The following ITSN2 variants were observed in gnomAD, a reference collection of about 807,000 sequenced individuals.
ITSN2 encodes the protein intersectin 2.
A neutral mutation model predicts 243.7 loss-of-function variants in ITSN2; 156 were observed. The ratio of observed to expected loss-of-function variants is 0.64; its 90% CI spans 0.56 to 0.73. ITSN2 has a LOEUF of 0.73. ITSN2 is among the 30% of genes least tolerant of loss of function. The probability of loss-of-function intolerance (pLI) is 0.00; values close to 1 mark genes in which losing one functional copy is unlikely to be tolerated. For missense variants in ITSN2, 1,801 were observed against 1,996.1 expected (o/e 0.90, Z 1.86); for synonymous variants, 703 against 699.9 (o/e 1.00, Z -0.07).
intron 17 of ITSN2, among the ~76,000 whole-genome samples, chr2:24,283,765 G>A (rs1188066253): frequency 6.6e-6 from 1 of 152,156 alleles, no homozygotes. Flanking sequence ...GCTGGCCTGT[G>A]GAGAATCAAA....
chr2:24,257,056 C>T (rs1181197071), intron 23 of ITSN2, among the ~76,000 whole-genome samples: 1 of 152,174 alleles, frequency 6.6e-6, no homozygotes, highest in Non-Finnish European at 1.5e-5. Flanking sequence ...GTGGCTCACA[C>T]CTGTAATTCC....
rs769572706 is a variant in ITSN2 at position 24,258,028 on chromosome 2, G to T, written c.2748C>A (p.His916Gln). 1 of 1,614,080 alleles carries T rather than the reference G, an allele frequency of 6.2e-7. No homozygotes were observed. The highest frequency in any genetic ancestry group is 1.1e-5 in the South Asian group (1 of 91,082). ...LCSWTAKKDN[H>Q]LNFSKHDIIT... ...TAATGTCATGTTTTGAGAAGTTCAA[G>T]TGGTTATCTTTCTTTGCAGTCCAGG... is the stretch of plus-strand genomic sequence containing the variant. The change falls in exon 23 of 40, where the codon CAC (histidine) becomes CAA (glutamine). Residue 916 changes from histidine (H) to glutamine (Q), a missense_variant. His to Gln is a conservative substitution (Grantham distance 24). Around this residue, in one of 5 missense-constraint regions of ITSN2, gnomAD observed 928 missense variants for 1,065.4 expected, o/e 0.87. Coordinates refer to ENST00000355123, the MANE Select transcript of ITSN2 (RefSeq NM_006277.3).
intron 24 of ITSN2, among the ~76,000 whole-genome samples, chr2:24,253,724 G>A (rs1171829714): frequency 1.3e-5 from 2 of 152,288 alleles, no homozygotes; most frequent in Non-Finnish European, 1.5e-5. Flanking sequence ...CAACGTAACA[G>A]ATACTGAATA....
intron 1 of ITSN2, among the ~76,000 whole-genome samples, 151 bp downstream of exon 1, chr2:24,360,153 A>G (rs987493148): frequency 3.6e-4 from 55 of 152,124 alleles, no homozygotes; most frequent in African/African-American, 1.3e-3. Flanking sequence ...CCAGGGGCCT[A>G]GCTCGGGGGC....
intron 9 of ITSN2, 84 bp from the exon 10 acceptor site, chr2:24,302,186 TTTA>T (rs1463934391): frequency 1.9e-5 from 10 of 535,816 alleles, no homozygotes; most frequent in Non-Finnish European, 2.5e-5. Flanking sequence ...TTATTTTACT[TTTA>T]TTTATTTATT....
chr2:24,314,050 T>C (rs1276780363), intron 3 of ITSN2, among the ~76,000 whole-genome samples: 1 of 152,198 alleles, frequency 6.6e-6, no homozygotes, highest in African/African-American at 2.4e-5. Context: ...AAACTTGCTT[T>C]ACTGCTTGCT....
chr2:24,327,171 AAC>A (rs1185098620), intron 2 of ITSN2, among the ~76,000 whole-genome samples: 3 of 152,200 alleles, frequency 2.0e-5, no homozygotes, highest in African/African-American at 7.2e-5. Context: ...ATAAATGACA[AAC>A]ACAGTAACTT....
intron 1 of ITSN2, among the ~76,000 whole-genome samples, chr2:24,355,354 A>G (rs1688350705): frequency 6.6e-6 from 1 of 152,250 alleles, no homozygotes; most frequent in African/African-American, 2.4e-5. Context: ...CACAGTAACC[A>G]AAACAGCATG....
intron 11 of ITSN2, 98 bp downstream of exon 11, chr2:24,301,056 A>C: frequency 1.5e-6 from 1 of 659,326 alleles, no homozygotes; most frequent in Non-Finnish European, 2.5e-6. Flanking sequence ...TAGCACATCA[A>C]ATATTAAAAA....
intron 29 of ITSN2, among the ~76,000 whole-genome samples, chr2:24,233,239 AT>A (rs2151210908): frequency 6.6e-6 from 1 of 152,264 alleles, no homozygotes; most frequent in East Asian, 1.9e-4. Context: ...CATATAACTC[AT>A]GTTTTCCACT....
chr2:24,337,347 T>C (rs1301034692), intron 1 of ITSN2, among the ~76,000 whole-genome samples: 1 of 122,842 alleles, frequency 8.1e-6, no homozygotes, highest in African/African-American at 3.2e-5. Flanking sequence ...TATATATATA[T>C]ATATATGTAA....
At chr2:24,333,051 A>C (rs1685963416) in intron 1 of ITSN2, among the ~76,000 whole-genome samples, 1 of 152,240 alleles carries the variant, frequency 6.6e-6, no homozygotes. Flanking sequence ...CACAAGGCAG[A>C]TGATACTGTA....
At chr2:24,216,784 T>A (rs977997935) in intron 31 of ITSN2, among the ~76,000 whole-genome samples, 17 of 150,506 alleles carry the variant, frequency 1.1e-4, no homozygotes, top group Non-Finnish European at 1.5e-4. Context: ...AAAATAAATT[T>A]AAAAAATACA....
At chr2:24,325,234 C>T (rs1466820626) in intron 2 of ITSN2, among the ~76,000 whole-genome samples, 1 of 151,848 alleles carries the variant, frequency 6.6e-6, no homozygotes, top group East Asian at 1.9e-4. Context: ...GATAGTGAGA[C>T]CCCCATGTCT....
rs577391552 is a variant in ITSN2 at position 24,240,120 on chromosome 2, G to GA, written c.3577+6008dup. On this transcript the variant is annotated intron_variant, in intron 29 of 39. Coordinates refer to ENST00000355123, the MANE Select transcript of ITSN2 (RefSeq NM_006277.3). ...ATAAACTCAGTTTCAGAATTATAAA[G>GA]AAAAAACCTTAGACCAAATAATGTG... The GA allele has an allele frequency of 2.0e-5, 3 of 152,136 alleles. No homozygotes were observed. The South Asian group carries it at 6.2e-4, about 31-fold the overall frequency. 9.4% of individuals were successfully genotyped at this position (152,136 alleles called of 1,614,324 possible). A position where few individuals can be genotyped will look rare whatever the true frequency, so the allele number is the denominator to read the frequency against.
intron 2 of ITSN2, among the ~76,000 whole-genome samples, chr2:24,319,474 T>C (rs1684299652): frequency 6.6e-6 from 1 of 152,184 alleles, no homozygotes; most frequent in African/African-American, 2.4e-5. Context: ...CAAGAGTCTA[T>C]CAGGAACATC....
Position 24,315,184 on chromosome 2 carries a change from A to G in ITSN2, c.72T>C (p.Thr24=). The G allele has an allele frequency of 1.2e-6, 2 of 1,612,870 alleles. No homozygotes were observed. Among genetic ancestry groups the G allele is most frequent in the South Asian group, 2.2e-5 (2 of 90,944 alleles). The change falls in exon 3 of 40, where the codon ACT becomes ACC. Residue 24 remains threonine, a synonymous_variant. Coordinates refer to ENST00000355123, the MANE Select transcript of ITSN2 (RefSeq NM_006277.3). ...GGTTATCAAACTGCCTGTCATGCTT[A>G]GTACGTTCTTCAGAGGTAATAGCCC... ...NMWAITSEER[T]KHDRQFDNLK...
rs116128746 is a variant in ITSN2, at chr2:24,346,377, A to C, written c.-34+13927T>G. Among the ~76,000 whole-genome samples, 1,358 of 152,344 alleles carry C rather than the reference A, an allele frequency of 8.9e-3. 4 individuals are homozygous for C. Among genetic ancestry groups the C allele is most frequent in the South Asian group, 0.017 (83 of 4,830 alleles). On this transcript the variant is annotated intron_variant, in intron 1 of 39. Coordinates refer to ENST00000355123, the MANE Select transcript of ITSN2 (RefSeq NM_006277.3). The stretch of plus-strand genomic sequence containing the variant: ...ATTCCAATATACTTACAATATATTT[A>C]TATATCTCCTACAATATCTGTCCAG...
intron 17 of ITSN2, among the ~76,000 whole-genome samples, chr2:24,281,615 C>T (rs1175160186): frequency 6.6e-6 from 1 of 152,316 alleles, no homozygotes; most frequent in East Asian, 1.9e-4. Context: ...CACAATTAGG[C>T]ATACTGTTTT....
Sources: gnomAD v4.1 joint callset for allele counts (sites outside exome capture counted in the v4.1 genomes callset) on GRCh38, gnomAD v4.1.1 for gene constraint, gnomAD v4.1.1 regional missense constraint, MANE v1.5 for transcripts, NCBI Gene and HGNC (gene_info 2026-07-23, HGNC 2026-07-21) for gene names.